Variants in ZBTB16 observed in about 807,000 individuals in gnomAD.
The protein encoded by ZBTB16 is zinc finger and BTB domain containing 16, also known as zinc finger and BTB domain-containing protein 16.
A neutral mutation model predicts 56.8 loss-of-function variants in ZBTB16; 8 were observed. The observed-to-expected ratio is 0.14, with a 90% CI of 0.08 to 0.25. The LOEUF (loss-of-function observed/expected upper bound fraction) is 0.25. Ranked by LOEUF, ZBTB16 falls within the 10% of genes least tolerant of loss-of-function variation. The probability of loss-of-function intolerance (pLI) is 1.00; values close to 1 mark genes in which losing one functional copy is unlikely to be tolerated. For missense variants in ZBTB16, 625 were observed against 903.0 expected (o/e 0.69, Z 3.95); for synonymous variants, 363 against 368.5 (o/e 0.98, Z 0.17).
chr11:114,077,260 G>A (rs1201099230), intron 2 of ZBTB16, among the ~76,000 whole-genome samples: 1 of 152,106 alleles, frequency 6.6e-6, no homozygotes, highest in African/African-American at 2.4e-5. Flanking sequence ...CGCTTGCTAT[G>A]TTCCTCTAAG....
intron 2 of ZBTB16, among the ~76,000 whole-genome samples, chr11:114,133,606 TC>T (rs1417213578): frequency 2.0e-5 from 3 of 152,194 alleles, no homozygotes; most frequent in African/African-American, 7.2e-5. Flanking sequence ...CAGGTCCTCT[TC>T]CTGTGGTCCC....
At chr11:114,199,976 A>G (rs2135100345) in intron 4 of ZBTB16, among the ~76,000 whole-genome samples, 1 of 152,032 alleles carries the variant, frequency 6.6e-6, no homozygotes, top group South Asian at 2.1e-4. Context: ...AAAATACAAA[A>G]AATTAGCCGG....
chr11:114,246,170 TC>T (rs1427634719), intron 5 of ZBTB16, among the ~76,000 whole-genome samples: 2 of 152,194 alleles, frequency 1.3e-5, no homozygotes, highest in Non-Finnish European at 2.9e-5. Flanking sequence ...TTCTGGATCC[TC>T]CCTGTGCGAT....
chr11:114,210,587 A>G (rs1045185189), intron 4 of ZBTB16: 11 of 229,734 alleles, frequency 4.8e-5, no homozygotes, highest in Non-Finnish European at 5.2e-5. Flanking sequence ...ACCCTGAAAC[A>G]AAAGCATTAT....
intron 2 of ZBTB16, among the ~76,000 whole-genome samples, chr11:114,125,014 G>A (rs1941467036): frequency 6.6e-6 from 1 of 151,844 alleles, no homozygotes; most frequent in African/African-American, 2.4e-5. Flanking sequence ...ATAGTTACTG[G>A]GCCTGACCCT....
chr11:114,256,316 C>T lies in ZBTB16; in HGVS notation c.*5761C>T, dbSNP rs1400155629. 2.0e-5 allele frequency among the ~76,000 whole-genome samples: 3 copies of T among 152,156 alleles called. No homozygotes were observed. The highest frequency in any genetic ancestry group is 2.4e-5 in the African/African-American group (1 of 41,430). On this transcript the variant is annotated 3_prime_UTR_variant, in exon 7 of 7. Transcript: ENST00000335953. The stretch of plus-strand genomic sequence containing the variant: ...ACCACCATGTACCAGTTACTGTTGT[C>T]GGCGCTGGGAATTACAGCAAAGGAC...
rs1944930500 is a variant in ZBTB16 at position 114,252,256 on chromosome 11, C to T, written c.*1701C>T. On this transcript the variant is annotated 3_prime_UTR_variant, in exon 7 of 7. Transcript: ENST00000335953. The stretch of plus-strand genomic sequence containing the variant: ...ACACTCTGGAGAGAATCCCACCTTT[C>T]TTACAATTTGCTGGGCCATTGAGGT... 6.6e-6 allele frequency among the ~76,000 whole-genome samples: 1 copy of T among 152,056 alleles called. No homozygotes were observed. The highest frequency in any genetic ancestry group is 2.4e-5 in the African/African-American group (1 of 41,412).
At chr11:114,135,807 G>A (rs1257832088) in intron 2 of ZBTB16, among the ~76,000 whole-genome samples, 2 of 152,198 alleles carry the variant, frequency 1.3e-5, no homozygotes, top group African/African-American at 4.8e-5. Context: ...GGGAGCCAGT[G>A]CTGATCCTTT....
intron 4 of ZBTB16, among the ~76,000 whole-genome samples, chr11:114,234,056 T>C (rs1026685507): frequency 2.6e-5 from 4 of 152,388 alleles, no homozygotes; most frequent in East Asian, 1.9e-4. Flanking sequence ...TTTTTTGTTA[T>C]GCAATGAAGA....
intron 4 of ZBTB16, among the ~76,000 whole-genome samples, chr11:114,230,636 G>T (rs1944423301): frequency 7.6e-6 from 1 of 131,694 alleles, no homozygotes; most frequent in African/African-American, 2.9e-5. Flanking sequence ...TTCTGTGGGG[G>T]GGGGGCGGGA....
At chr11:114,242,145 C>A (rs200187365) in intron 4 of ZBTB16, 22 bp from the exon 5 acceptor site, 18 of 1,613,140 alleles carry the variant, frequency 1.1e-5, no homozygotes, top group Non-Finnish European at 1.5e-5. Context: ...TTCTGAGGCA[C>A]CCCCTCTCCT....
At chr11:114,116,622 A>G (rs760637626) in intron 2 of ZBTB16, among the ~76,000 whole-genome samples, 3 of 152,148 alleles carry the variant, frequency 2.0e-5, no homozygotes, top group Non-Finnish European at 4.4e-5. Flanking sequence ...CTGAATACCT[A>G]CTAGATGTGT....
chr11:114,106,191 C>T (rs1416326258), intron 2 of ZBTB16, among the ~76,000 whole-genome samples: 1 of 152,124 alleles, frequency 6.6e-6, no homozygotes, highest in Non-Finnish European at 1.5e-5. Flanking sequence ...CAACCAAGTA[C>T]AGCAGCACGA....
At chr11:114,068,874 C>A (rs746596434) in intron 2 of ZBTB16, among the ~76,000 whole-genome samples, 7 of 152,210 alleles carry the variant, frequency 4.6e-5, no homozygotes, top group Non-Finnish European at 8.8e-5. Context: ...GATAAGATTG[C>A]AGGGAACAGT....
intron 2 of ZBTB16, among the ~76,000 whole-genome samples, chr11:114,070,170 G>A (rs925512317): frequency 9.9e-5 from 13 of 131,630 alleles, no homozygotes; most frequent in Non-Finnish European, 1.7e-4. Context: ...CTGCAGTGGC[G>A]CAATCTCGGC....
chr11:114,115,341 CTT>C (rs35873921), intron 2 of ZBTB16, among the ~76,000 whole-genome samples: 25,401 of 127,308 alleles, frequency 0.2, 2,491 homozygotes, highest in Admixed American at 0.26. Flanking sequence ...CTCCTTCCTC[CTT>C]TTTTTTTTTT....
intron 4 of ZBTB16, among the ~76,000 whole-genome samples, chr11:114,203,018 G>C (rs560706383): frequency 2.3e-4 from 35 of 152,340 alleles, no homozygotes; most frequent in Non-Finnish European, 5.0e-4. Flanking sequence ...ATTCATAGCA[G>C]TGTTGTTCAC....
intron 2 of ZBTB16, among the ~76,000 whole-genome samples, chr11:114,124,807 T>C (rs574806021): frequency 6.6e-6 from 1 of 152,290 alleles, no homozygotes; most frequent in East Asian, 1.9e-4. Flanking sequence ...TCATTGTCAG[T>C]TGGACGCAGG....
chr11:114,187,322 C>A, intron 4 of ZBTB16: 1 of 510,062 alleles, frequency 2.0e-6, no homozygotes, highest in South Asian at 2.2e-5. Flanking sequence ...TTGGAGGTAT[C>A]TAGTATGCTC....
Sources: allele counts gnomAD v4.1 joint callset (sites outside exome capture counted in the v4.1 genomes callset), GRCh38; gene constraint gnomAD v4.1.1; transcripts MANE v1.5; gene names NCBI Gene and HGNC (gene_info 2026-07-23, HGNC 2026-07-21).